Variants in VPS13B observed in about 807,000 individuals in gnomAD.
VPS13B encodes the protein intermembrane lipid transfer protein VPS13B.
In VPS13B, 285 loss-of-function variants were observed where a neutral mutation model predicts 426.4. The observed-to-expected ratio is 0.67, with a 90% CI of 0.61 to 0.74. The LOEUF (loss-of-function observed/expected upper bound fraction) is 0.74. VPS13B is among the 30% of genes least tolerant of loss of function. VPS13B has a pLI of 0.00. For synonymous variants in VPS13B, 1,676 were observed against 1,676.4 expected (o/e 1.00, Z 0.01); for missense variants, 4,537 against 4,782.6 (o/e 0.95, Z 1.51).
intron 19 of VPS13B, chr8:99,347,066 A>C (rs950480056): frequency 1.3e-5 from 2 of 153,832 alleles, no homozygotes; most frequent in African/African-American, 4.8e-5. Flanking sequence ...TGCCTGCCAT[A>C]TCCTATGGGA....
rs1201868586 is a variant in VPS13B at position 99,642,349 on chromosome 8, G to A, written c.5759G>A (p.Gly1920Glu). The A allele has an allele frequency of 6.2e-7, 1 of 1,614,152 alleles. No homozygotes were observed. Among genetic ancestry groups the A allele is most frequent in the Non-Finnish European group, 8.5e-7 (1 of 1,179,996 alleles). ...ATTGTTCGGCAGCCTGGTCGAAGAG[G>A]AACTGGTGACTTACAGCTAGAGCCT... Reference protein sequence around the residue: ...ITIVRQPGRRGTGDLQLEPFL... With the variant: ...ITIVRQPGRRETGDLQLEPFL... Residue 1920 changes from glycine to glutamate, a missense_variant, in exon 34 of 62, where the codon GGA (glycine) becomes GAA (glutamate). Gly to Glu is a moderately conservative substitution (Grantham distance 98). This residue lies in a region of VPS13B where 4,311 missense variants were observed against 4,474.3 expected (regional missense o/e 0.96). Transcript: ENST00000357162.
At chr8:99,574,868 C>G (rs1033434303) in intron 31 of VPS13B, among the ~76,000 whole-genome samples, 8 of 152,226 alleles carry the variant, frequency 5.3e-5, no homozygotes, top group African/African-American at 1.9e-4. Context: ...ATATCTCACA[C>G]AAAAACCTTA....
intron 17 of VPS13B, among the ~76,000 whole-genome samples, chr8:99,235,230 C>G (rs1816573482): frequency 6.6e-6 from 1 of 152,126 alleles, no homozygotes. Flanking sequence ...TATGTAGAGA[C>G]TATAGTAATA....
At chr8:99,538,641 A>G (rs1007225422) in intron 30 of VPS13B, among the ~76,000 whole-genome samples, 1 of 152,198 alleles carries the variant, frequency 6.6e-6, no homozygotes, top group Admixed American at 6.5e-5. Flanking sequence ...CTGATACTGG[A>G]TATATCATTA....
chr8:99,199,860 C>T (rs931018836), intron 17 of VPS13B, among the ~76,000 whole-genome samples: 1 of 151,952 alleles, frequency 6.6e-6, no homozygotes, highest in African/African-American at 2.4e-5. Flanking sequence ...TCCCTTCCTT[C>T]TGTTAAGTTT....
chr8:99,390,391 C>T (rs950537195), intron 20 of VPS13B, among the ~76,000 whole-genome samples: 6 of 152,060 alleles, frequency 3.9e-5, no homozygotes, highest in Admixed American at 1.3e-4. Context: ...CGTGAGCCAC[C>T]GCACCCAGCC....
chr8:99,344,505 A>C (rs1366648350), intron 19 of VPS13B, among the ~76,000 whole-genome samples: 1 of 152,176 alleles, frequency 6.6e-6, no homozygotes, highest in Non-Finnish European at 1.5e-5. Context: ...GATATTGCCA[A>C]ATTACTCTAA....
At chr8:99,082,553 A>G (rs1332507106) in intron 3 of VPS13B, among the ~76,000 whole-genome samples, 10 of 152,144 alleles carry the variant, frequency 6.6e-5, no homozygotes, top group Admixed American at 5.2e-4. Flanking sequence ...TGTGTCCTGA[A>G]TGGTATTGCC....
chr8:99,303,637 G>C (rs1307522759), intron 19 of VPS13B, among the ~76,000 whole-genome samples: 1 of 140,954 alleles, frequency 7.1e-6, no homozygotes, highest in African/African-American at 2.6e-5. Context: ...GCTAAGACAG[G>C]AGAATTGCTT....
chr8:99,482,874 A>G (rs1211847352), intron 25 of VPS13B, among the ~76,000 whole-genome samples: 1 of 152,146 alleles, frequency 6.6e-6, no homozygotes, highest in Non-Finnish European at 1.5e-5. Flanking sequence ...AATCCCAATA[A>G]TGATACACAA....
chr8:99,124,463 A>G (rs181248027), intron 8 of VPS13B, among the ~76,000 whole-genome samples: 145 of 152,332 alleles, frequency 9.5e-4, no homozygotes, highest in Non-Finnish European at 1.7e-3. Flanking sequence ...CAAATTGGTG[A>G]ACATAAATGT....
intron 35 of VPS13B, among the ~76,000 whole-genome samples, chr8:99,682,755 G>A (rs1023999430): frequency 2.0e-5 from 3 of 152,134 alleles, no homozygotes; most frequent in Non-Finnish European, 4.4e-5. Flanking sequence ...CTGGCTATCC[G>A]CCTGTGTTCA....
At chr8:99,420,341 T>C (rs1816300379) in intron 21 of VPS13B, among the ~76,000 whole-genome samples, 2 of 152,150 alleles carry the variant, frequency 1.3e-5, no homozygotes, top group South Asian at 2.1e-4. Flanking sequence ...CATTTAATCA[T>C]TGACATCATT....
intron 12 of VPS13B, among the ~76,000 whole-genome samples, 165 bp from the exon 13 acceptor site, chr8:99,142,809 A>G (rs1810503086): frequency 6.6e-6 from 1 of 152,250 alleles, no homozygotes; most frequent in Non-Finnish European, 1.5e-5. Context: ...AATTTATTAT[A>G]TGCACAGAGA....
intron 19 of VPS13B, chr8:99,347,450 C>T (rs1370829470): frequency 6.3e-6 from 1 of 158,776 alleles, no homozygotes; most frequent in Non-Finnish European, 1.4e-5. Context: ...CTTAGCCTGT[C>T]TTACCCAGTT....
intron 28 of VPS13B, among the ~76,000 whole-genome samples, chr8:99,510,746 A>G (rs1371751364): frequency 6.6e-6 from 1 of 152,190 alleles, no homozygotes; most frequent in Non-Finnish European, 1.5e-5. Context: ...TCCTGGCCTC[A>G]AGTTATCTGC....
intron 51 of VPS13B, among the ~76,000 whole-genome samples, chr8:99,826,833 C>T (rs1013264835): frequency 1.3e-5 from 2 of 151,664 alleles, no homozygotes; most frequent in African/African-American, 2.4e-5. Flanking sequence ...ATAATCACGT[C>T]GTTTTGGTCA....
Position 99,376,273 on chromosome 8 carries a change from G to T in VPS13B, c.2825-7935G>T, listed in dbSNP as rs539450318. 4.6e-5 allele frequency among the ~76,000 whole-genome samples: 7 copies of T among 152,282 alleles called. 1 individual carries two copies. The highest frequency in any genetic ancestry group is 1.7e-4 in the African/African-American group (7 of 41,560). On this transcript the variant is annotated intron_variant, in intron 19 of 61. Coordinates refer to ENST00000357162, the MANE Select transcript of VPS13B (RefSeq NM_152564.5). The stretch of plus-strand genomic sequence containing the variant: ...TAATTACCCAGATATTTATATGTTA[G>T]AACTTGTGTGCTATTTTTAAAGGTT...
chr8:99,764,356 T>A (rs1410092161), intron 39 of VPS13B, among the ~76,000 whole-genome samples: 4 of 150,924 alleles, frequency 2.7e-5, no homozygotes, highest in African/African-American at 9.7e-5. Flanking sequence ...GTTCTCATCC[T>A]AAACAAAATA....
Sources: allele counts gnomAD v4.1 joint callset (sites outside exome capture counted in the v4.1 genomes callset), GRCh38; gene constraint gnomAD v4.1.1; regional missense constraint gnomAD v4.1.1; transcripts MANE v1.5; gene names NCBI Gene and HGNC (gene_info 2026-07-23, HGNC 2026-07-21).